The following ZFAND3 variants were observed in gnomAD, a reference collection of about 807,000 sequenced individuals.
The protein encoded by ZFAND3 is zinc finger AN1-type containing 3.
A neutral mutation model predicts 29.6 loss-of-function variants in ZFAND3; 10 were observed. The ratio of observed to expected loss-of-function variants is 0.34; its 90% CI spans 0.21 to 0.57. The LOEUF is 0.57. ZFAND3 is among the 20% of genes least tolerant of loss of function. The pLI is 0.86. For missense variants in ZFAND3, 230 were observed against 304.5 expected (o/e 0.76, Z 1.82); for synonymous variants, 128 against 112.6 (o/e 1.14, Z -0.87).
chr6:38,075,718 T>C (rs1764539460), intron 3 of ZFAND3, among the ~76,000 whole-genome samples: 1 of 151,824 alleles, frequency 6.6e-6, no homozygotes, highest in South Asian at 2.1e-4. Flanking sequence ...AGAAATCTTT[T>C]GTGAAAGGAA....
chr6:37,824,734 A>G (rs139997118), intron 1 of ZFAND3, among the ~76,000 whole-genome samples: 1 of 152,378 alleles, frequency 6.6e-6, no homozygotes, highest in East Asian at 1.9e-4. Flanking sequence ...CTAACAAGTC[A>G]TGACAAAGCA....
intron 2 of ZFAND3, among the ~76,000 whole-genome samples, chr6:37,980,540 C>T (rs1376618907): frequency 6.6e-6 from 1 of 152,152 alleles, no homozygotes; most frequent in Middle Eastern, 3.2e-3. Flanking sequence ...TACCCTTATT[C>T]TTCTTTCTGC....
chr6:37,900,955 G>A (rs535772822), intron 1 of ZFAND3, among the ~76,000 whole-genome samples: 59 of 152,218 alleles, frequency 3.9e-4, no homozygotes, highest in African/African-American at 1.3e-3. Context: ...TAATAGAGGG[G>A]AACTGAGTGT....
At chr6:37,893,556 T>C (rs1260079118) in intron 1 of ZFAND3, among the ~76,000 whole-genome samples, 1 of 152,116 alleles carries the variant, frequency 6.6e-6, no homozygotes, top group Non-Finnish European at 1.5e-5. Context: ...TTTTTGTTTG[T>C]TTGTTTGTTT....
intron 2 of ZFAND3, among the ~76,000 whole-genome samples, chr6:37,946,199 C>T (rs1229911413): frequency 6.6e-6 from 1 of 152,212 alleles, no homozygotes; most frequent in African/African-American, 2.4e-5. Flanking sequence ...GGAACCTTTT[C>T]AAAGTACACT....
intron 2 of ZFAND3, among the ~76,000 whole-genome samples, chr6:37,950,672 C>A (rs1377622237): frequency 6.6e-6 from 1 of 152,130 alleles, no homozygotes; most frequent in African/African-American, 2.4e-5. Flanking sequence ...AGCCACCGTG[C>A]CCTACCTGTT....
chr6:38,034,214 A>G (rs753302239), intron 2 of ZFAND3, among the ~76,000 whole-genome samples: 5 of 152,180 alleles, frequency 3.3e-5, no homozygotes, highest in Non-Finnish European at 7.4e-5. Flanking sequence ...GGGGCAAACT[A>G]GTCTCTTCCT....
intron 5 of ZFAND3, among the ~76,000 whole-genome samples, chr6:38,120,428 C>T (rs1765511673): frequency 7.1e-6 from 1 of 140,180 alleles, no homozygotes; most frequent in African/African-American, 2.6e-5. Context: ...CAGGTTCAAG[C>T]AATTCTCCTG....
chr6:38,009,933 G>A (rs764106905), intron 2 of ZFAND3, among the ~76,000 whole-genome samples: 6 of 151,994 alleles, frequency 3.9e-5, no homozygotes, highest in Non-Finnish European at 8.8e-5. Flanking sequence ...CGGTGGGGGC[G>A]CAAGAGAAAA....
intron 1 of ZFAND3, among the ~76,000 whole-genome samples, chr6:37,836,324 G>A (rs999023505): frequency 6.6e-6 from 1 of 152,120 alleles, no homozygotes; most frequent in Non-Finnish European, 1.5e-5. Flanking sequence ...AGACCCAGTG[G>A]TATAGAGTGA....
At chr6:38,128,175 A>C (rs941617823) in intron 5 of ZFAND3, among the ~76,000 whole-genome samples, 3 of 152,210 alleles carry the variant, frequency 2.0e-5, no homozygotes, top group African/African-American at 7.2e-5. Context: ...GTTTTCTTTC[A>C]GATCAATAAT....
intron 3 of ZFAND3, among the ~76,000 whole-genome samples, chr6:38,077,993 T>A (rs1017891186): frequency 6.6e-6 from 1 of 152,210 alleles, no homozygotes; most frequent in African/African-American, 2.4e-5. Context: ...TTGAAATGTG[T>A]GTGTTGATAG....
intron 2 of ZFAND3, among the ~76,000 whole-genome samples, chr6:37,990,021 T>A (rs1762732501): frequency 6.6e-6 from 1 of 152,088 alleles, no homozygotes; most frequent in Admixed American, 6.5e-5. Context: ...CTGGGAGGAT[T>A]TCGTTGGCTG....
At chr6:38,067,924 A>G (rs1764377938) in intron 3 of ZFAND3, among the ~76,000 whole-genome samples, 1 of 152,156 alleles carries the variant, frequency 6.6e-6, no homozygotes, top group East Asian at 1.9e-4. Flanking sequence ...AGCATATTGA[A>G]TGGAAATGGA....
intron 2 of ZFAND3, among the ~76,000 whole-genome samples, chr6:37,981,224 C>T (rs565081081): frequency 6.6e-6 from 1 of 152,302 alleles, no homozygotes; most frequent in East Asian, 1.9e-4. Flanking sequence ...GTATTTTCTT[C>T]ATAGGAATAG....
intron 2 of ZFAND3, among the ~76,000 whole-genome samples, chr6:37,973,823 A>G (rs547411988): frequency 6.6e-6 from 1 of 152,266 alleles, no homozygotes; most frequent in East Asian, 1.9e-4. Flanking sequence ...CAAATCTGGG[A>G]AAATTCTGAA....
intron 2 of ZFAND3, among the ~76,000 whole-genome samples, chr6:37,953,241 A>T (rs1356072704): frequency 6.6e-6 from 1 of 151,364 alleles, no homozygotes; most frequent in Non-Finnish European, 1.5e-5. Context: ...GAACATTTTT[A>T]ATGATTCTAA....
Position 37,926,403 on chromosome 6 carries a change from A to T in ZFAND3, c.72-3556A>T, listed in dbSNP as rs78807518. 0.017 allele frequency among the ~76,000 whole-genome samples: 2,586 copies of T among 152,252 alleles called. 253 individuals carry two copies. In the East Asian group the frequency reaches 0.28, roughly 16 times the overall value. The stretch of plus-strand genomic sequence containing the variant: ...TCTTCCAGCTTCTGGGGGCTGCCCC[A>T]GCATTCCTGGGCTTGTAACCCTGTT... On this transcript the variant is annotated intron_variant, in intron 1 of 5. Transcript: ENST00000287218.
At chr6:37,967,459 C>CT (rs992164795) in intron 2 of ZFAND3, among the ~76,000 whole-genome samples, 2 of 152,134 alleles carry the variant, frequency 1.3e-5, no homozygotes, top group Admixed American at 1.3e-4. Context: ...AGCCTTGGTT[C>CT]TTTTTAAGGG....
Sources: allele counts gnomAD v4.1 joint callset (sites outside exome capture counted in the v4.1 genomes callset), GRCh38; gene constraint gnomAD v4.1.1; transcripts MANE v1.5; gene names NCBI Gene and HGNC (gene_info 2026-07-23, HGNC 2026-07-21).